STAG1: variants seen among roughly 807,000 people sequenced by gnomAD.
STAG1 encodes STAG1 cohesin complex component.
STAG1 carries 26 observed loss-of-function variants against 170.9 expected under a neutral mutation model. The ratio of observed to expected loss-of-function variants is 0.15; its 90% confidence interval spans 0.11 to 0.21. The LOEUF is 0.21. Among genes scored for constraint, STAG1 ranks in the 10% least tolerant of loss-of-function variants. The pLI is 1.00. For missense variants in STAG1, 964 were observed against 1,509.5 expected, an observed-to-expected ratio of 0.64 and a Z score of 5.99; for synonymous variants, 514 against 497.7, an observed-to-expected ratio of 1.03 and a Z score of -0.44.
intron 28 of STAG1, among the ~76,000 whole-genome samples, chr3:136,352,650 A>T (rs541485138): frequency 6.6e-6 from 1 of 152,274 alleles, no homozygotes; most frequent in Admixed American, 6.5e-5. Context: ...TAGTGCTTTT[A>T]GCTGTGTACT....
chr3:136,550,332 G>C (rs941525997), intron 5 of STAG1, among the ~76,000 whole-genome samples: 1 of 149,688 alleles, frequency 6.7e-6, no homozygotes, highest in Non-Finnish European at 1.5e-5. Context: ...TTTTGAGACA[G>C]AGTCTCACTC....
At chr3:136,704,082 AC>A (rs1454882695) in intron 1 of STAG1, among the ~76,000 whole-genome samples, 10 of 137,922 alleles carry the variant, frequency 7.3e-5, no homozygotes, top group Admixed American at 5.4e-4. Flanking sequence ...ATGGAGTCTC[AC>A]TCTGTCGCCC....
chr3:136,385,373 G>T (rs1470525037), intron 22 of STAG1, among the ~76,000 whole-genome samples: 2 of 152,168 alleles, frequency 1.3e-5, no homozygotes, highest in Non-Finnish European at 2.9e-5. Context: ...CTGGGAGATT[G>T]AGGCTGCAGT....
chr3:136,446,784 A>G (rs141406039), intron 14 of STAG1, among the ~76,000 whole-genome samples: 233 of 149,154 alleles, frequency 1.6e-3, no homozygotes, highest in Middle Eastern at 0.011. Flanking sequence ...TTCTTAATCT[A>G]TACTGTACCT....
In STAG1 at chr3:136,702,101, GAGAGAGAGAGAGAGAGAGAGAC is replaced by G. The variant is rs1470370543; in HGVS notation, c.-84+50072_-84+50093del. Among the ~76,000 whole-genome samples the G allele has an allele frequency of 1.9e-3, 200 of 105,036 alleles. 1 individual carries two copies. The highest frequency in any genetic ancestry group is 9.3e-3 in the Middle Eastern group (2 of 214). The allele number at this position is 105,036 out of a possible 152,430, so 68.9% of individuals were successfully genotyped here. On this transcript the variant is annotated intron_variant, in intron 1 of 33. Transcript: ENST00000383202. ...AGAGAGAGAGAGAGAGAGAGAGAGA[GAGAGAGAGAGAGAGAGAGAGAC>G]AGAGAGACAGAGAGACAGAGAGACA...
intron 2 of STAG1, among the ~76,000 whole-genome samples, chr3:136,629,373 T>C (rs1056868551): frequency 6.7e-6 from 1 of 149,186 alleles, no homozygotes; most frequent in Non-Finnish European, 1.5e-5. Flanking sequence ...AAATAGATAG[T>C]GGCTTGGCCA....
At chr3:136,520,130 G>C (rs896204588) in intron 7 of STAG1, among the ~76,000 whole-genome samples, 1 of 152,020 alleles carries the variant, frequency 6.6e-6, no homozygotes, top group African/African-American at 2.4e-5. Flanking sequence ...ATTGGCTTTG[G>C]GCAACAGGTT....
intron 3 of STAG1, chr3:136,609,064 A>C (rs1424854358): frequency 6.6e-6 from 1 of 152,406 alleles, no homozygotes; most frequent in African/African-American, 2.4e-5. Context: ...CCAAGAGGAA[A>C]GTCAGCTAAA....
chr3:136,563,509 G>GAC (rs574379695), intron 5 of STAG1, among the ~76,000 whole-genome samples: 26 of 150,468 alleles, frequency 1.7e-4, no homozygotes, highest in Admixed American at 1.4e-3. Flanking sequence ...TAAACTTTCC[G>GAC]ACACACACAC....
At chr3:136,468,101 A>G (rs559090885) in intron 12 of STAG1, among the ~76,000 whole-genome samples, 1 of 152,222 alleles carries the variant, frequency 6.6e-6, no homozygotes, top group Non-Finnish European at 1.5e-5. Flanking sequence ...AAAGAACTAG[A>G]GAAGGAAGAG....
At chr3:136,747,093 TAAAAAAAAAAAAAAAAA>T (rs71134408) in intron 1 of STAG1, among the ~76,000 whole-genome samples, 21,595 of 59,770 alleles carry the variant, frequency 0.36, 2,503 homozygotes, top group South Asian at 0.47. Flanking sequence ...TGAAACTGTC[TAAAAAAAAAAAAAAAAA>T]AAAAAAAAAA....
intron 1 of STAG1, among the ~76,000 whole-genome samples, chr3:136,747,101 A>T (rs1263809694): frequency 1.1e-5 from 1 of 95,078 alleles, no homozygotes; most frequent in African/African-American, 3.7e-5. Context: ...TCTAAAAAAA[A>T]AAAAAAAAAA....
chr3:136,611,955 C>G (rs1395458016), intron 3 of STAG1, among the ~76,000 whole-genome samples: 1 of 152,008 alleles, frequency 6.6e-6, no homozygotes, highest in Non-Finnish European at 1.5e-5. Context: ...TCACGCCATT[C>G]TCCTGCCTCA....
At chr3:136,542,433 G>C (rs1935956067) in intron 5 of STAG1, among the ~76,000 whole-genome samples, 1 of 152,058 alleles carries the variant, frequency 6.6e-6, no homozygotes, top group Admixed American at 6.6e-5. Flanking sequence ...TCCATAATTA[G>C]ACATAACATC....
At chr3:136,699,846 T>G (rs930467928) in intron 1 of STAG1, among the ~76,000 whole-genome samples, 1 of 152,094 alleles carries the variant, frequency 6.6e-6, no homozygotes, top group African/African-American at 2.4e-5. Context: ...AAACGATCAC[T>G]TCCACATCCC....
chr3:136,441,540 G>A (rs2088632109), intron 15 of STAG1, among the ~76,000 whole-genome samples: 2 of 152,226 alleles, frequency 1.3e-5, no homozygotes, highest in African/African-American at 2.4e-5. Flanking sequence ...TTACCAGCAT[G>A]TATCTGGGTT....
At chr3:136,729,152 C>G (rs1045663276) in intron 1 of STAG1, among the ~76,000 whole-genome samples, 3 of 151,878 alleles carry the variant, frequency 2.0e-5, no homozygotes, top group African/African-American at 4.8e-5. Context: ...AGCTAATTTG[C>G]GTGTGTGTGG....
chr3:136,388,645 G>A (rs939273781), intron 22 of STAG1, among the ~76,000 whole-genome samples: 1 of 151,818 alleles, frequency 6.6e-6, no homozygotes, highest in Non-Finnish European at 1.5e-5. Context: ...GAAATTACAG[G>A]CATCAGCCAC....
intron 3 of STAG1, among the ~76,000 whole-genome samples, chr3:136,614,845 G>A (rs1361187389): frequency 1.3e-5 from 2 of 151,968 alleles, no homozygotes; most frequent in East Asian, 3.8e-4. Flanking sequence ...ATAATGAGCT[G>A]TGAATGTGAA....
Sources: gnomAD v4.1 joint callset for allele counts (sites outside exome capture counted in the v4.1 genomes callset) on GRCh38, gnomAD v4.1.1 for gene constraint, MANE v1.5 for transcripts, NCBI Gene and HGNC (gene_info 2026-07-23, HGNC 2026-07-21) for gene names.